Variants in ITPR2 observed in about 807,000 individuals in gnomAD.
ITPR2 encodes the protein inositol 1,4,5-trisphosphate receptor type 2, also known as inositol 1,4,5-trisphosphate-gated calcium channel ITPR2.
ITPR2 carries 207 observed loss-of-function variants against 317.1 expected under a neutral mutation model. The observed-to-expected ratio is 0.65, with a 90% CI of 0.58 to 0.73. The LOEUF (loss-of-function observed/expected upper bound fraction) is 0.73. Among genes scored for constraint, ITPR2 ranks in the 30% least tolerant of loss-of-function variants. The pLI is 0.00. For synonymous variants in ITPR2, 1,156 were observed against 1,149.1 expected (o/e 1.01, Z -0.12); for missense variants, 2,613 against 3,284.0 (o/e 0.80, Z 4.99).
intron 46 of ITPR2, among the ~76,000 whole-genome samples, chr12:26,441,239 G>T (rs1261230864): frequency 6.6e-6 from 1 of 152,182 alleles, no homozygotes; most frequent in African/African-American, 2.4e-5. Context: ...AGAATTTAAA[G>T]CAGAAGCAGA....
At chr12:26,677,051 G>A (rs1947923411) in intron 13 of ITPR2, among the ~76,000 whole-genome samples, 1 of 151,896 alleles carries the variant, frequency 6.6e-6, no homozygotes, top group Non-Finnish European at 1.5e-5. Context: ...AAGTTTATCA[G>A]GAAGAATATA....
At chr12:26,748,461 G>A (rs61920184) in intron 2 of ITPR2, among the ~76,000 whole-genome samples, 31,698 of 152,044 alleles carry the variant, frequency 0.21, 3,604 homozygotes, top group Non-Finnish European at 0.24. Context: ...AATTTTTGCC[G>A]TTAAAAGTAA....
chr12:26,557,377 G>A (rs1174506542), intron 35 of ITPR2, among the ~76,000 whole-genome samples: 2 of 152,202 alleles, frequency 1.3e-5, no homozygotes, highest in Non-Finnish European at 2.9e-5. Flanking sequence ...ACTCTAAGCA[G>A]AGGCATGGTT....
At chr12:26,664,167 A>G (rs1947566344) in intron 14 of ITPR2, among the ~76,000 whole-genome samples, 1 of 152,248 alleles carries the variant, frequency 6.6e-6, no homozygotes, top group Admixed American at 6.5e-5. Context: ...CAGATGAACT[A>G]AAATGTAGCT....
chr12:26,702,410 G>A (rs1193165457), intron 9 of ITPR2, among the ~76,000 whole-genome samples: 1 of 125,144 alleles, frequency 8.0e-6, no homozygotes, highest in Non-Finnish European at 1.7e-5. Flanking sequence ...GGCGGGGGTG[G>A]GGGGTTGGTG....
intron 1 of ITPR2, among the ~76,000 whole-genome samples, chr12:26,791,003 C>T (rs1272768512): frequency 6.6e-6 from 1 of 152,240 alleles, no homozygotes; most frequent in East Asian, 1.9e-4. Flanking sequence ...CTTGTGTCTT[C>T]ACATATTCTC....
In ITPR2 at chr12:26,716,174, T is replaced by C. The variant is rs1287858503; in HGVS notation, c.594A>G (p.Ile198Met). 1.2e-6 allele frequency: 2 copies of C among 1,613,298 alleles called. No individual in the cohort carries two copies. Among genetic ancestry groups the C allele is most frequent in the South Asian group, 2.2e-5 (2 of 91,044 alleles). Reference sequence around the variant, plus strand: ...TACACCCTGGGTTATCAAGAAGCTCTATGTTGCTGGCATGTAGTGGCTGCC... The same window carrying C: ...TACACCCTGGGTTATCAAGAAGCTCCATGTTGCTGGCATGTAGTGGCTGCC... Reference protein sequence around the residue: ...NAGQPLHASNIELLDNPGCKE... With the variant: ...NAGQPLHASNMELLDNPGCKE... Residue 198 changes from isoleucine to methionine, a missense_variant, in exon 6 of 57, where the codon ATA becomes ATG. Ile to Met is a conservative substitution (Grantham distance 10). This residue lies in a region of ITPR2 where 515 missense variants were observed against 789.4 expected (regional missense o/e 0.65). Coordinates refer to ENST00000381340, the MANE Select transcript of ITPR2 (RefSeq NM_002223.4).
At position 26,561,746 on chromosome 12, in the gene ITPR2, T is replaced by C. The variant is rs1944824980; in HGVS notation, c.4821+16A>G. The C allele has an allele frequency of 2.0e-6, 3 of 1,531,182 alleles. No homozygotes were observed. The highest frequency in any genetic ancestry group is 1.7e-6 in the Non-Finnish European group (2 of 1,148,202). The allele number at this position is 1,531,182 out of a possible 1,614,324, so 94.8% of individuals were successfully genotyped here. ...TAATTTAGAAAATATTAATGCTATT[T>C]CACGCTTTCATGTACCTGTAACTTT... On this transcript the variant is annotated intron_variant, in intron 35 of 56. Coordinates refer to ENST00000381340, the MANE Select transcript of ITPR2 (RefSeq NM_002223.4).
intron 26 of ITPR2, among the ~76,000 whole-genome samples, chr12:26,614,154 T>C (rs1314973231): frequency 1.3e-5 from 2 of 151,866 alleles, no homozygotes; most frequent in Non-Finnish European, 2.9e-5. Context: ...TCTGGGCCCA[T>C]AGAAAAGAAA....
intron 37 of ITPR2, among the ~76,000 whole-genome samples, chr12:26,532,654 T>C (rs1439477435): frequency 6.6e-6 from 1 of 152,106 alleles, no homozygotes; most frequent in Non-Finnish European, 1.5e-5. Flanking sequence ...CAATGGACTG[T>C]AATGATGAAT....
chr12:26,506,520 C>CAAAAAA (rs11362827), intron 37 of ITPR2, among the ~76,000 whole-genome samples: 1 of 87,532 alleles, frequency 1.1e-5, no homozygotes, highest in Non-Finnish European at 2.2e-5. Flanking sequence ...AATCCTGTCT[C>CAAAAAA]AAAAAAAAAA....
intron 55 of ITPR2, among the ~76,000 whole-genome samples, chr12:26,347,499 A>G (rs1938346356): frequency 6.6e-6 from 1 of 152,180 alleles, no homozygotes; most frequent in African/African-American, 2.4e-5. Flanking sequence ...GCAGATGACA[A>G]TACTGAGGCA....
rs372508215 is a variant in ITPR2 at position 26,599,248 on chromosome 12, A to T, written c.3899T>A (p.Ile1300Asn). 6.2e-7 allele frequency: 1 copy of T among 1,613,926 alleles called. No homozygotes were observed. Among genetic ancestry groups the T allele is most frequent in the Non-Finnish European group, 8.5e-7 (1 of 1,179,914 alleles). The change falls in exon 30 of 57, where the codon ATT becomes AAT. Residue 1300 changes from isoleucine (I) to asparagine (N), a missense_variant. By Grantham distance (149) the Ile-to-Asn change is moderately radical. Transcript: ENST00000381340. The stretch of plus-strand genomic sequence containing the variant: ...CTCCACGTGGCGGCCATGTGTCTCA[A>T]TGCAGTGCACAAAGTGTTGTACAAC... ...ERVVQHFVHC[I>N]ETHGRHVEYL...
At chr12:26,632,205 T>C in intron 21 of ITPR2, 146 bp from the exon 22 acceptor site, 3 of 472,626 alleles carry the variant, frequency 6.3e-6, no homozygotes, top group Non-Finnish European at 7.0e-6. Context: ...GTTTGGGCTC[T>C]TTCTTTACAG....
intron 10 of ITPR2, among the ~76,000 whole-genome samples, chr12:26,687,801 A>G (rs1948158105): frequency 6.6e-6 from 1 of 152,200 alleles, no homozygotes; most frequent in Non-Finnish European, 1.5e-5. Context: ...AGCACCAGGT[A>G]GCTCCCGTCA....
intron 37 of ITPR2, among the ~76,000 whole-genome samples, chr12:26,535,053 A>C (rs559832312): frequency 2.6e-5 from 4 of 152,298 alleles, no homozygotes; most frequent in Admixed American, 6.5e-5. Flanking sequence ...ACCATAAATA[A>C]ATGATATGTG....
rs774735315 is a variant in ITPR2 at position 26,483,884 on chromosome 12, A to G, written c.5826T>C (p.Asn1942=). Reference sequence around the variant, plus strand: ...GGTTGTAATTTGTTTTGTTGTTTTGATTCCTCAAGAAGTTCTGAAGGCAAA... The same window carrying G: ...GGTTGTAATTTGTTTTGTTGTTTTGGTTCCTCAAGAAGTTCTGAAGGCAAA... ...HNRELQNFLR[N]QNNKTNYNLV... Residue 1942 remains asparagine (N), a synonymous_variant, in exon 42 of 57, where the codon AAT becomes AAC. Transcript: ENST00000381340. 4 of 1,614,026 alleles carry G rather than the reference A, an allele frequency of 2.5e-6. No homozygotes were observed. Among genetic ancestry groups the G allele is most frequent in the Middle Eastern group, 1.6e-4 (1 of 6,062 alleles).
chr12:26,685,728 T>G (rs1948112418), intron 11 of ITPR2, among the ~76,000 whole-genome samples: 1 of 152,214 alleles, frequency 6.6e-6, no homozygotes, highest in East Asian at 1.9e-4. Context: ...TATGTCTAAT[T>G]ACTCTGCCTT....
chr12:26,360,037 A>G (rs557305617), intron 55 of ITPR2, among the ~76,000 whole-genome samples: 16 of 152,220 alleles, frequency 1.1e-4, no homozygotes, highest in Admixed American at 3.9e-4. Context: ...CTGACACACA[A>G]AGAGAAGAAG....
Sources: gnomAD v4.1 joint callset for allele counts (sites outside exome capture counted in the v4.1 genomes callset) on GRCh38, gnomAD v4.1.1 for gene constraint, gnomAD v4.1.1 regional missense constraint, MANE v1.5 for transcripts, NCBI Gene and HGNC (gene_info 2026-07-23, HGNC 2026-07-21) for gene names.